EVC2: variants seen among roughly 807,000 people sequenced by gnomAD.
The protein encoded by EVC2 is EvC ciliary complex subunit 2, also known as limbin.
EVC2 carries 148 observed loss-of-function variants against 149.3 expected under a neutral mutation model. The observed-to-expected ratio is 0.99, with a 90% CI of 0.87 to 1.14. The LOEUF is 1.14. EVC2 is among the 50% of genes most tolerant of loss of function. EVC2 has a pLI of 0.00. For synonymous variants in EVC2, 776 were observed against 649.9 expected, an observed-to-expected ratio of 1.19 and a Z score of -2.95; for missense variants, 1,854 against 1,627.3, an observed-to-expected ratio of 1.14 and a Z score of -2.40.
At position 5,550,373 on chromosome 4, in the gene EVC2, C is replaced by A. The variant is rs900072426; in HGVS notation, c.3420-7161G>T. On this transcript the variant is annotated intron_variant and NMD_transcript_variant, in intron 21 of 22. Coordinates refer to the EVC2 transcript ENST00000475313. ...ATGGAGATGAGGAACCTGTTGGGAA[C>A]CAGAGCGAAGGTGACTCTTGTTATG... Among the ~76,000 whole-genome samples, 7 of 152,250 alleles carry A rather than the reference C, an allele frequency of 4.6e-5. No homozygotes were observed. In the South Asian group the frequency reaches 1.5e-3, roughly 32 times the overall value.
At chr4:5,600,230 G>A (rs146868037) in intron 16 of EVC2, among the ~76,000 whole-genome samples, 75 of 152,210 alleles carry the variant, frequency 4.9e-4, no homozygotes, top group African/African-American at 1.0e-3. Flanking sequence ...TGGTGCCTAC[G>A]GAGTACCTAC....
At position 5,585,479 on chromosome 4, in the gene EVC2, G is replaced by T. The variant is rs377657397; in HGVS notation, c.2830-629C>A. Among the ~76,000 whole-genome samples, 31 of 152,214 alleles carry T rather than the reference G, an allele frequency of 2.0e-4. 1 individual carries two copies. In the South Asian group the frequency reaches 5.2e-3, roughly 25 times the overall value. On this transcript the variant is annotated intron_variant, in intron 16 of 21. Transcript: ENST00000344408. ...GTAGGCTTCAAACCAGGTGCCCAGG[G>T]TTTACTTGACCTCAGGCAAATCATT...
chr4:5,690,519 G>T (rs1721050846), intron 4 of EVC2, among the ~76,000 whole-genome samples: 1 of 152,058 alleles, frequency 6.6e-6, no homozygotes, highest in African/African-American at 2.4e-5. Flanking sequence ...CTCTGGAGGG[G>T]CTAGAGAACG....
Position 5,600,490 on chromosome 4 carries a change from T to C in EVC2, c.2829+14932A>G, listed in dbSNP as rs562930114. 5.3e-5 allele frequency among the ~76,000 whole-genome samples: 8 copies of C among 152,248 alleles called. No homozygotes were observed. In the South Asian group the frequency reaches 1.0e-3, roughly 20 times the overall value. ...TACAGTGGAGATGCCTAGTGAAGAA[T>C]AGTGAATTTTTAAGATGCAGCCAGT... On this transcript the variant is annotated intron_variant, in intron 16 of 21. Transcript: ENST00000344408.
chr4:5,706,449 C>G (rs183881119), intron 1 of EVC2, among the ~76,000 whole-genome samples: 699 of 35,144 alleles, frequency 0.02, 28 homozygotes, highest in East Asian at 0.048. Context: ...TAGATAGATA[C>G]ATACATACAT....
At position 5,670,085 on chromosome 4, in the gene EVC2, T is replaced by A. The variant is rs759012140; in HGVS notation, c.871-4436A>T. Among the ~76,000 whole-genome samples, 1 of 152,238 alleles carries A rather than the reference T, an allele frequency of 6.6e-6. No individual in the cohort carries two copies. The highest frequency in any genetic ancestry group is 1.5e-5 in the Non-Finnish European group (1 of 68,046). On this transcript the variant is annotated intron_variant, in intron 7 of 21. Transcript: ENST00000344408. The surrounding 1 kb of genome is among the most constrained non-coding windows in gnomAD (Gnocchi z 5.2). The stretch of plus-strand genomic sequence containing the variant: ...TGCCTACAATGCCTCTACTCTTCAA[T>A]CTTCTTCCTCAGTGAAGAATGACCA...
At chr4:5,535,625 G>GAGAGAGAGAGAGAGAGAGAGAGAGAGAT in the EVC2 span, among the ~76,000 whole-genome samples, 16 of 150,566 alleles carry the variant, frequency 1.1e-4, no homozygotes, top group African/African-American at 4.0e-4. The surrounding 1 kb of genome is among the most constrained non-coding windows in gnomAD (Gnocchi z 4.7). Flanking sequence ...GAGAGAGAGA[G>GAGAGAGAGAGAGAGAGAGAGAGAGAGAT]AGAGAGAGAA....
At chr4:5,652,962 C>T (rs1018569613) in intron 9 of EVC2, among the ~76,000 whole-genome samples, 13 of 152,160 alleles carry the variant, frequency 8.5e-5, no homozygotes, top group Admixed American at 7.2e-4. Flanking sequence ...GGCCAACAGT[C>T]CAAACTCAAG....
chr4:5,687,429 G>A (rs1259118762), intron 5 of EVC2, among the ~76,000 whole-genome samples: 2 of 152,122 alleles, frequency 1.3e-5, no homozygotes, highest in Non-Finnish European at 2.9e-5. Flanking sequence ...GAGATGGAGA[G>A]CCAAGGTTCA....
chr4:5,628,728 C>T lies in EVC2; in HGVS notation c.1717G>A (p.Val573Ile). The change falls in exon 12 of 22, where the codon GTA becomes ATA. Residue 573 changes from valine to isoleucine, a missense_variant. Coordinates refer to ENST00000344408, the MANE Select transcript of EVC2 (RefSeq NM_147127.5). ...LQNYSKIQEN[V>I]EELMDFFQAS... ...TGGAAAAAGTCCATTAACTCTTCTA[C>T]ATTCTCCTGTCAATTAAAAAAAAAA... is the stretch of plus-strand genomic sequence containing the variant. 2 of 1,600,790 alleles carry T rather than the reference C, an allele frequency of 1.2e-6. No individual in the cohort carries two copies. Among genetic ancestry groups the T allele is most frequent in the Non-Finnish European group, 1.7e-6 (2 of 1,178,418 alleles).
Position 5,685,487 on chromosome 4 carries a change from G to C in EVC2, c.707-8C>G, listed in dbSNP as rs746187089. 8.1e-6 allele frequency: 13 copies of C among 1,613,522 alleles called. No individual in the cohort carries two copies. The highest frequency in any genetic ancestry group is 1.1e-5 in the Non-Finnish European group (13 of 1,179,672). On this transcript the variant is annotated splice_region_variant and splice_polypyrimidine_tract_variant and intron_variant, in intron 5 of 21. Transcript: ENST00000344408. ...CAGCAAAGGCATCTCCCACTGCGCA[G>C]AGAAAAGCACATGTGACTCAGGGAG...
chr4:5,635,567 A>G (rs1454417749), intron 10 of EVC2, among the ~76,000 whole-genome samples: 1 of 152,258 alleles, frequency 6.6e-6, no homozygotes, highest in Non-Finnish European at 1.5e-5. Context: ...TGGCTGCAGC[A>G]GCTGCTGTGC....
chr4:5,648,062 G>T (rs1577204488), intron 9 of EVC2, among the ~76,000 whole-genome samples: 2 of 152,216 alleles, frequency 1.3e-5, no homozygotes, highest in Non-Finnish European at 2.9e-5. Flanking sequence ...TACATTTTCT[G>T]GGCCCATGTG....
intron 3 of EVC2, 142 bp downstream of exon 3, chr4:5,694,193 C>A: frequency 1.2e-6 from 1 of 807,416 alleles, no homozygotes; most frequent in Non-Finnish European, 2.0e-6. Context: ...GGATTTGCTA[C>A]CCAGTGATAA....
At chr4:5,586,730 G>C (rs60998431) in intron 16 of EVC2, among the ~76,000 whole-genome samples, 20,597 of 151,864 alleles carry the variant, frequency 0.14, 1,483 homozygotes, top group South Asian at 0.31. Flanking sequence ...TCTTTTCATC[G>C]AATTATGATC....
At chr4:5,669,876 G>A (rs1577231459) in intron 7 of EVC2, among the ~76,000 whole-genome samples, 2 of 152,324 alleles carry the variant, frequency 1.3e-5, no homozygotes, top group East Asian at 1.9e-4. Flanking sequence ...GACCTAGGAA[G>A]AGGGAAAAAC....
At chr4:5,624,590 A>C (rs1715966651) in intron 13 of EVC2, among the ~76,000 whole-genome samples, 1 of 152,232 alleles carries the variant, frequency 6.6e-6, no homozygotes, top group Non-Finnish European at 1.5e-5. Flanking sequence ...TAATATTCAC[A>C]GAAGACTGCC....
chr4:5,674,190 C>T (rs1029201981), intron 7 of EVC2, among the ~76,000 whole-genome samples: 1 of 152,190 alleles, frequency 6.6e-6, no homozygotes, highest in Admixed American at 6.5e-5. Context: ...CTTGGCCTCC[C>T]AGCTGACAAT....
downstream of EVC2, among the ~76,000 whole-genome samples, chr4:5,541,585 G>A (rs1721514321): frequency 6.6e-6 from 1 of 152,138 alleles, no homozygotes; most frequent in Admixed American, 6.5e-5. Context: ...TCACATCCTT[G>A]TGTCTCAGCC....
Sources: gnomAD v4.1 joint callset for allele counts (sites outside exome capture counted in the v4.1 genomes callset) on GRCh38, gnomAD v4.1.1 for gene constraint, Gnocchi (gnomAD v3.1) non-coding constraint, MANE v1.5 for transcripts, NCBI Gene and HGNC (gene_info 2026-07-23, HGNC 2026-07-21) for gene names.